RFTN1: variants seen among roughly 807,000 people sequenced by gnomAD.
RFTN1 encodes the protein raftlin, lipid raft linker 1, also known as raftlin.
Under a neutral mutation model 46.5 loss-of-function variants are expected in RFTN1, and 26 were observed. That is an observed-to-expected ratio of 0.56 (90% CI 0.41 to 0.78). The LOEUF is 0.78. Among genes scored for constraint, RFTN1 ranks in the 30% least tolerant of loss-of-function variants. RFTN1 has a pLI of 0.00. For missense variants in RFTN1, 693 were observed against 718.7 expected (o/e 0.96, Z 0.41); for synonymous variants, 261 against 284.2 (o/e 0.92, Z 0.82).
intron 7 of RFTN1, among the ~76,000 whole-genome samples, chr3:16,354,590 G>A (rs371313675): frequency 2.6e-5 from 4 of 152,304 alleles, no homozygotes; most frequent in South Asian, 2.1e-4. Context: ...TCTTCCTTTC[G>A]TTGTCTTGGT....
In RFTN1 at chr3:16,480,023, G is replaced by A. The variant is rs930343006; in HGVS notation, c.145+13702C>T. Among the ~76,000 whole-genome samples the A allele has an allele frequency of 6.6e-6, 1 of 152,196 alleles. No homozygotes were observed. ...CAGAATTTGGTGGGATGTTTCAGACGCTGTTTCCTACATTGAGAGACCTTA... is the reference window on the plus strand; with the variant it reads ...CAGAATTTGGTGGGATGTTTCAGACACTGTTTCCTACATTGAGAGACCTTA... On this transcript the variant is annotated intron_variant, in intron 2 of 9. Transcript: ENST00000334133. The surrounding 1 kb of genome is among the most constrained non-coding windows in gnomAD (Gnocchi z 4.3).
chr3:16,402,059 TC>T lies in RFTN1; in HGVS notation c.441+7315del, dbSNP rs536187284. Among the ~76,000 whole-genome samples the T allele has an allele frequency of 1.4e-4, 21 of 152,184 alleles. No individual in the cohort carries two copies. The highest frequency in any genetic ancestry group is 4.3e-4 in the African/African-American group (18 of 41,508). On this transcript the variant is annotated intron_variant, in intron 4 of 9. Coordinates refer to ENST00000334133, the MANE Select transcript of RFTN1 (RefSeq NM_015150.2). This position sits in a 1 kb window ranked among gnomAD's most constrained non-coding sequence, Gnocchi z 4.5. Reference sequence around the variant, plus strand: ...TGCCTTCTGGAATGTTCCCTGAGTGTCCCCCTGACCCCTCAAGTCTTCATAC... The same window carrying T: ...TGCCTTCTGGAATGTTCCCTGAGTGTCCCCTGACCCCTCAAGTCTTCATAC...
At position 16,337,465 on chromosome 3, in the gene RFTN1, C is replaced by T. The variant is rs560964054; in HGVS notation, c.1147-10589G>A. The T allele has an allele frequency of 2.0e-5, 3 of 152,092 alleles. No individual in the cohort carries two copies. Among genetic ancestry groups the T allele is most frequent in the East Asian group, 1.9e-4 (1 of 5,172 alleles). The allele number at this position is 152,092 out of a possible 1,614,324, so 9.4% of individuals were successfully genotyped here. ...GAAAGTCACCTCATTGATTTGTGGCCGGGCTCAGTGGCTCACGCCTGTAAT... is the reference window on the plus strand; with the variant it reads ...GAAAGTCACCTCATTGATTTGTGGCTGGGCTCAGTGGCTCACGCCTGTAAT... On this transcript the variant is annotated intron_variant, in intron 7 of 9. Coordinates refer to ENST00000334133, the MANE Select transcript of RFTN1 (RefSeq NM_015150.2). The surrounding 1 kb of genome is among the most constrained non-coding windows in gnomAD (Gnocchi z 5.0).
intron 9 of RFTN1, among the ~76,000 whole-genome samples, chr3:16,318,107 G>A (rs2068628397): frequency 1.3e-5 from 2 of 152,196 alleles, no homozygotes; most frequent in Admixed American, 1.3e-4. Context: ...CACGCGGCCA[G>A]TAATAGAGTT....
rs928493850 is a variant in RFTN1, at chr3:16,425,848, C to T, written c.332+8003G>A. Among the ~76,000 whole-genome samples the T allele has an allele frequency of 6.6e-6, 1 of 152,114 alleles. No homozygotes were observed. The highest frequency in any genetic ancestry group is 1.5e-5 in the Non-Finnish European group (1 of 68,028). The stretch of plus-strand genomic sequence containing the variant: ...TAGTCTTGGTGATGCTGGACAGCTC[C>T]TCAGGGGGTACGGTGGCAGCCCGGA... On this transcript the variant is annotated intron_variant, in intron 3 of 9. Coordinates refer to ENST00000334133, the MANE Select transcript of RFTN1 (RefSeq NM_015150.2). This position sits in a 1 kb window ranked among gnomAD's most constrained non-coding sequence, Gnocchi z 4.3.
chr3:16,357,061 G>A (rs2072482223), intron 7 of RFTN1, among the ~76,000 whole-genome samples: 1 of 149,572 alleles, frequency 6.7e-6, no homozygotes, highest in African/African-American at 2.5e-5. Context: ...GTTGCAGTGA[G>A]CCAAGATCGC....
chr3:16,459,291 C>T lies in RFTN1; in HGVS notation c.146-25254G>A, dbSNP rs1377228514. Among the ~76,000 whole-genome samples the T allele has an allele frequency of 6.6e-6, 1 of 152,092 alleles. No homozygotes were observed. The highest frequency in any genetic ancestry group is 2.4e-5 in the African/African-American group (1 of 41,414). On this transcript the variant is annotated intron_variant, in intron 2 of 9. Transcript: ENST00000334133. The surrounding 1 kb of genome is among the most constrained non-coding windows in gnomAD (Gnocchi z 4.2). Reference sequence around the variant, plus strand: ...GAACCAGAAAGGACTAAGTAATATCCACAATGTGTAACAGACACCTAAACT... The same window carrying T: ...GAACCAGAAAGGACTAAGTAATATCTACAATGTGTAACAGACACCTAAACT...
chr3:16,464,241 G>A (rs577246394), intron 2 of RFTN1, among the ~76,000 whole-genome samples: 1 of 152,224 alleles, frequency 6.6e-6, no homozygotes, highest in African/African-American at 2.4e-5. Flanking sequence ...TTTTCCCAGA[G>A]CAGCAACATT....
At chr3:16,369,915 T>C (rs1406079716) in intron 6 of RFTN1, among the ~76,000 whole-genome samples, 161 bp downstream of exon 6, 1 of 152,224 alleles carries the variant, frequency 6.6e-6, no homozygotes, top group Non-Finnish European at 1.5e-5. Flanking sequence ...CTGGGCTTTA[T>C]GGAAAGTTCC....
Position 16,400,041 on chromosome 3 carries a change from A to T in RFTN1, c.441+9334T>A, listed in dbSNP as rs566082191. Among the ~76,000 whole-genome samples the T allele has an allele frequency of 3.3e-5, 5 of 152,306 alleles. No individual in the cohort carries two copies. The highest frequency in any genetic ancestry group is 1.2e-4 in the African/African-American group (5 of 41,560). ...CAGTCACTAACCTGCAGCCATTCTGATCTTTCCAAAGTATACATTTAGGAA... is the reference window on the plus strand; with the variant it reads ...CAGTCACTAACCTGCAGCCATTCTGTTCTTTCCAAAGTATACATTTAGGAA... On this transcript the variant is annotated intron_variant, in intron 4 of 9. Coordinates refer to ENST00000334133, the MANE Select transcript of RFTN1 (RefSeq NM_015150.2). This position sits in a 1 kb window ranked among gnomAD's most constrained non-coding sequence, Gnocchi z 4.5.
intron 7 of RFTN1, among the ~76,000 whole-genome samples, chr3:16,340,971 ACAACC>A (rs2071279562): frequency 6.6e-6 from 1 of 152,252 alleles, no homozygotes; most frequent in Non-Finnish European, 1.5e-5. Context: ...AAGACAACAA[ACAACC>A]CAATTTAAAA....
intron 3 of RFTN1, among the ~76,000 whole-genome samples, chr3:16,420,008 A>G (rs1056658005): frequency 6.6e-6 from 1 of 152,182 alleles, no homozygotes; most frequent in African/African-American, 2.4e-5. Flanking sequence ...AGGGACATCT[A>G]ACTATCCGAC....
In RFTN1 at chr3:16,380,135, T is replaced by G. The variant is rs1446321491; in HGVS notation, c.442-2033A>C. 6.6e-6 allele frequency among the ~76,000 whole-genome samples: 1 copy of G among 152,178 alleles called. No individual in the cohort carries two copies. The stretch of plus-strand genomic sequence containing the variant: ...GGAAATAGCATGAAGTTTAAAGGCT[T>G]TTGGAAAGGCCTGATGTGGAGCCCC... On this transcript the variant is annotated intron_variant, in intron 4 of 9. Coordinates refer to ENST00000334133, the MANE Select transcript of RFTN1 (RefSeq NM_015150.2). This position sits in a 1 kb window ranked among gnomAD's most constrained non-coding sequence, Gnocchi z 4.8.
rs1423963340 is a variant in RFTN1, at chr3:16,382,313, C to T, written c.442-4211G>A. The stretch of plus-strand genomic sequence containing the variant: ...TTGGCTAGATCTAGGGGCCACGACT[C>T]TTACAGTTCTGTCTTACCCTAGTAT... On this transcript the variant is annotated intron_variant, in intron 4 of 9. Transcript: ENST00000334133. The surrounding 1 kb of genome is among the most constrained non-coding windows in gnomAD (Gnocchi z 4.7). Among the ~76,000 whole-genome samples, 1 of 152,202 alleles carries T rather than the reference C, an allele frequency of 6.6e-6. No homozygotes were observed. The highest frequency in any genetic ancestry group is 2.4e-5 in the African/African-American group (1 of 41,444).
rs1559331046 is a variant in RFTN1 at position 16,407,650 on chromosome 3, C to T, written c.441+1725G>A. On this transcript the variant is annotated intron_variant, in intron 4 of 9. Transcript: ENST00000334133. This position sits in a 1 kb window ranked among gnomAD's most constrained non-coding sequence, Gnocchi z 4.0. ...TGGTATTCGGATCATAGGGTAAATT[C>T]CACTTCTAGGATGTCCCTATACAAG... Among the ~76,000 whole-genome samples, 1 of 152,140 alleles carries T rather than the reference C, an allele frequency of 6.6e-6. No homozygotes were observed. Among genetic ancestry groups the T allele is most frequent in the Non-Finnish European group, 1.5e-5 (1 of 68,030 alleles).
chr3:16,340,143 C>G (rs1234322106), intron 7 of RFTN1, among the ~76,000 whole-genome samples: 2 of 152,222 alleles, frequency 1.3e-5, no homozygotes, highest in African/African-American at 4.8e-5. Flanking sequence ...TGTTTCTGTT[C>G]CATTGCCACG....
rs1157280900 is a variant in RFTN1, at chr3:16,378,022, G to A, written c.522C>T (p.Ser174=). Residue 174 remains serine (S), a synonymous_variant, in exon 5 of 10, where the codon AGC becomes AGT. Transcript: ENST00000334133. ...QYHSSVNSAG[S]SAPVSTANST... ...TGTTGGCAGTAGACACCGGAGCACT[G>A]CTGCCTGCCGAGTTCACAGAGGAAT... 8 of 1,614,150 alleles carry A rather than the reference G, an allele frequency of 5.0e-6. No homozygotes were observed. Among genetic ancestry groups the A allele is most frequent in the African/African-American group, 1.3e-5 (1 of 74,944 alleles).
At chr3:16,405,664 G>C (rs778899464) in intron 4 of RFTN1, among the ~76,000 whole-genome samples, 3 of 152,076 alleles carry the variant, frequency 2.0e-5, no homozygotes, top group Admixed American at 1.3e-4. Flanking sequence ...CCTTCTATCC[G>C]TGTCCTCTAT....
At position 16,334,856 on chromosome 3, in the gene RFTN1, G is replaced by A. The variant is rs1172750477; in HGVS notation, c.1147-7980C>T. 6.6e-6 allele frequency among the ~76,000 whole-genome samples: 1 copy of A among 152,202 alleles called. No homozygotes were observed. The highest frequency in any genetic ancestry group is 1.5e-5 in the Non-Finnish European group (1 of 68,046). ...ATCCAGGATTATCCAGGTGTGCCCA[G>A]TATAATCACAGGGGTCCTTATAAGG... On this transcript the variant is annotated intron_variant, in intron 7 of 9. Transcript: ENST00000334133. The surrounding 1 kb of genome is among the most constrained non-coding windows in gnomAD (Gnocchi z 4.3).
Sources: allele counts gnomAD v4.1 joint callset (sites outside exome capture counted in the v4.1 genomes callset), GRCh38; gene constraint gnomAD v4.1.1; non-coding constraint Gnocchi (gnomAD v3.1); transcripts MANE v1.5; gene names NCBI Gene and HGNC (gene_info 2026-07-23, HGNC 2026-07-21).